The following GALC variants were observed in gnomAD, a reference collection of about 807,000 sequenced individuals.
GALC encodes galactocerebrosidase.
In GALC, 77 loss-of-function variants were observed where a neutral mutation model predicts 91.8. That is an observed-to-expected ratio of 0.84 (90% CI 0.70 to 1.01). The LOEUF is 1.01. GALC is among the 50% of genes least tolerant of loss of function. GALC has a pLI of 0.00. For synonymous variants in GALC, 357 were observed against 306.7 expected, an observed-to-expected ratio of 1.16 and a Z score of -1.71; for missense variants, 882 against 855.9, an observed-to-expected ratio of 1.03 and a Z score of -0.38.
intron 9 of GALC, 85 bp downstream of exon 9, chr14:87,965,420 C>A: frequency 1.4e-6 from 2 of 1,398,904 alleles, no homozygotes; most frequent in South Asian, 2.3e-5. Flanking sequence ...CATAGACACA[C>A]AGTTTATATA....
chr14:87,993,202 G>C (rs1193568995), upstream of GALC: 4 of 1,556,468 alleles, frequency 2.6e-6, no homozygotes, highest in African/African-American at 5.4e-5. Flanking sequence ...AGGGAGGCGG[G>C]TCCCGTCGCC....
chr14:87,968,664 G>T lies in GALC; in HGVS notation c.753-174C>A, dbSNP rs556227884. Among the ~76,000 whole-genome samples the T allele has an allele frequency of 1.1e-3, 160 of 152,248 alleles. 1 individual carries two copies. The highest frequency in any genetic ancestry group is 1.5e-3 in the Non-Finnish European group (100 of 68,004). ...CTAAGCATCTGCTTTATGCCCTTTT[G>T]TCTCAGCATGCCATTAAAATGACAG... is the stretch of plus-strand genomic sequence containing the variant. On this transcript the variant is annotated intron_variant, in intron 7 of 16. Coordinates refer to ENST00000261304, the MANE Select transcript of GALC (RefSeq NM_000153.4).
intron 10 of GALC, chr14:87,954,828 C>A (rs1885454806): frequency 6.2e-7 from 1 of 1,606,280 alleles, no homozygotes; most frequent in Admixed American, 1.7e-5. Flanking sequence ...CAGATAAGAA[C>A]AGGATCTACA....
At chr14:87,935,010 C>T in intron 16 of GALC, 132 bp from the exon 17 acceptor site, 1 of 672,454 alleles carries the variant, frequency 1.5e-6, no homozygotes, top group South Asian at 1.7e-5. Flanking sequence ...CACAGCAAAA[C>T]ACAATTCCAC....
rs1375097126 is a variant in GALC, at chr14:87,954,805, T to C, written c.1162-4057A>G. The C allele has an allele frequency of 8.7e-6, 14 of 1,605,302 alleles. No homozygotes were observed. In the African/African-American group the frequency reaches 1.5e-4, roughly 17 times the overall value. On this transcript the variant is annotated intron_variant, in intron 10 of 16. Transcript: ENST00000261304. ...ATATACTGGCTGCGCAAAATATGGATTGGAACTAGAAACAGATAAGAACAG... is the reference window on the plus strand; with the variant it reads ...ATATACTGGCTGCGCAAAATATGGACTGGAACTAGAAACAGATAAGAACAG...
At chr14:87,953,375 A>C in intron 10 of GALC, 1 of 1,426,292 alleles carries the variant, frequency 7.0e-7, no homozygotes, top group Non-Finnish European at 9.9e-7. Context: ...CAACTTGATG[A>C]TTTTACAGAA....
chr14:87,948,454 C>T (rs992922568), intron 12 of GALC, among the ~76,000 whole-genome samples: 6 of 151,994 alleles, frequency 3.9e-5, no homozygotes, highest in African/African-American at 1.4e-4. Flanking sequence ...AAAATACATA[C>T]CTTATAGACT....
chr14:87,944,969 ATTCTG>A (rs1193750941), intron 14 of GALC, among the ~76,000 whole-genome samples: 1 of 47,474 alleles, frequency 2.1e-5, no homozygotes, highest in Admixed American at 3.3e-4. Context: ...GCACATAGAA[ATTCTG>A]TAACTAAAGA....
At chr14:87,952,806 A>G (rs1258317138) in intron 10 of GALC, 3 of 1,479,642 alleles carry the variant, frequency 2.0e-6, no homozygotes, top group Admixed American at 3.4e-5. Flanking sequence ...AGAATCCCAG[A>G]AGATTCACTC....
At chr14:87,993,625 G>T (rs1887340303), upstream of GALC, 4 of 666,490 alleles carry the variant, frequency 6.0e-6, no homozygotes, top group South Asian at 7.3e-5. Context: ...GAGGCGAGAA[G>T]AGCAGCAGAG....
chr14:87,993,351 G>T (rs754312774), upstream of GALC: 1 of 1,535,376 alleles, frequency 6.5e-7, no homozygotes. Flanking sequence ...TCGCGTGTCT[G>T]TGGTCAGCTA....
intron 15 of GALC, among the ~76,000 whole-genome samples, chr14:87,940,743 T>C (rs1248014913): frequency 1.3e-5 from 2 of 151,900 alleles, no homozygotes; most frequent in African/African-American, 2.4e-5. Flanking sequence ...TATTTTTAAA[T>C]TAAGGTAAGA....
intron 6 of GALC, chr14:87,980,633 G>A: frequency 3.7e-6 from 1 of 273,610 alleles, no homozygotes; most frequent in Non-Finnish European, 5.5e-6. Context: ...ATCAACCCAG[G>A]GAGAGGTGTC....
chr14:87,984,447 T>A lies in GALC; in HGVS notation c.529A>T (p.Thr177Ser). ...NLQLTAYYVV[T>S]WIVGAKRYHD... The stretch of plus-strand genomic sequence containing the variant: ...TAACGCTTGGCGCCCACAATCCAGG[T>A]CACGACATAATAGGCAGTCAGCTGA... The change falls in exon 5 of 17, where the codon ACC (threonine) becomes TCC (serine). Residue 177 changes from threonine (T) to serine (S), a missense_variant. Physicochemically the swap from Thr to Ser is moderately conservative, Grantham distance 58. Coordinates refer to ENST00000261304, the MANE Select transcript of GALC (RefSeq NM_000153.4). 1 of 1,614,098 alleles carries A rather than the reference T, an allele frequency of 6.2e-7. No individual in the cohort carries two copies. The highest frequency in any genetic ancestry group is 8.5e-7 in the Non-Finnish European group (1 of 1,180,004).
In GALC at chr14:87,982,165, T is replaced by TA. The variant is rs770882647; in HGVS notation, c.621+39dup. On this transcript the variant is annotated intron_variant, in intron 6 of 16. Transcript: ENST00000261304. ...TTAGGAACCATAAGGAATTATTCAC[T>TA]AAAAAGTTAAAAACAAAAAGATACT... 24 of 1,173,830 alleles carry TA rather than the reference T, an allele frequency of 2.0e-5. No homozygotes were observed. In the Admixed American group the frequency reaches 2.3e-4, roughly 11 times the overall value. 72.7% of individuals were successfully genotyped at this position (1,173,830 alleles called of 1,614,324 possible).
intron 6 of GALC, chr14:87,980,363 CAG>C (rs199834762): frequency 0.017 from 4,939 of 290,890 alleles, 281 homozygotes; most frequent in African/African-American, 0.11. Flanking sequence ...GCCTGGGTGA[CAG>C]AGAGAGACTC....
At chr14:87,942,122 C>CA (rs1226455276) in intron 14 of GALC, among the ~76,000 whole-genome samples, 1 of 151,988 alleles carries the variant, frequency 6.6e-6, no homozygotes, top group Admixed American at 6.6e-5. Flanking sequence ...GAGGGCTTCT[C>CA]ACACCTGAAC....
Position 87,992,974 on chromosome 14 carries a change from C to T in GALC, c.191G>A (p.Gly64Asp). The change falls in exon 1 of 17, where the codon GGC becomes GAC. Residue 64 changes from glycine to aspartate, a missense_variant. Transcript: ENST00000261304. ...TCCCCGCAGCTTGCCGCTCACCCCGCCGCCGCTGACCGCGCCGATGCCGTC... is the reference window on the plus strand; with the variant it reads ...TCCCCGCAGCTTGCCGCTCACCCCGTCGCCGCTGACCGCGCCGATGCCGTC... The part of the protein sequence containing the change: ...EFDGIGAVSG[G>D]GATSRLLVNY... 1 of 1,522,174 alleles carries T rather than the reference C, an allele frequency of 6.6e-7. No homozygotes were observed. Among genetic ancestry groups the T allele is most frequent in the Non-Finnish European group, 8.7e-7 (1 of 1,144,082 alleles). 94.3% of individuals were successfully genotyped at this position (1,522,174 alleles called of 1,614,324 possible).
chr14:87,967,428 G>A (rs1311724224), intron 8 of GALC, among the ~76,000 whole-genome samples: 1 of 152,066 alleles, frequency 6.6e-6, no homozygotes, highest in Non-Finnish European at 1.5e-5. Context: ...TCTCCTAAGT[G>A]TCTTTTCTTT....
Sources: allele counts gnomAD v4.1 joint callset (sites outside exome capture counted in the v4.1 genomes callset), GRCh38; gene constraint gnomAD v4.1.1; transcripts MANE v1.5; gene names NCBI Gene and HGNC (gene_info 2026-07-23, HGNC 2026-07-21).